The following DLG2 variants were observed in gnomAD, a reference collection of about 807,000 sequenced individuals.
The protein encoded by DLG2 is disks large homolog 2.
In DLG2, 45 loss-of-function variants were observed where a neutral mutation model predicts 132.5. The observed-to-expected ratio is 0.34, with a 90% CI of 0.27 to 0.44. The LOEUF (loss-of-function observed/expected upper bound fraction) is 0.44. DLG2 is among the 20% of genes least tolerant of loss of function. The probability of loss-of-function intolerance (pLI) is 1.00; values close to 1 mark genes in which losing one functional copy is unlikely to be tolerated. For missense variants in DLG2, 1,045 were observed against 1,196.9 expected, an observed-to-expected ratio of 0.87 and a Z score of 1.87; for synonymous variants, 424 against 419.6, an observed-to-expected ratio of 1.01 and a Z score of -0.13.
At chr11:85,154,705 ATT>A in intron 4 of DLG2, 54 bp from the exon 5 acceptor site, 1 of 863,112 alleles carries the variant, frequency 1.2e-6, no homozygotes, top group Non-Finnish European at 1.8e-6. Flanking sequence ...TGCAATGTAT[ATT>A]GTTTTCAAAC....
intron 3 of DLG2, among the ~76,000 whole-genome samples, chr11:85,438,859 C>T (rs2091629518): frequency 6.6e-6 from 1 of 152,156 alleles, no homozygotes; most frequent in Non-Finnish European, 1.5e-5. Context: ...TCTATCTCTA[C>T]CCTCTGATAA....
intron 11 of DLG2, among the ~76,000 whole-genome samples, chr11:84,038,526 G>A (rs1347337000): frequency 1.3e-5 from 2 of 151,964 alleles, no homozygotes; most frequent in Admixed American, 1.3e-4. Context: ...TAAAAATAAT[G>A]TAATATATGT....
rs765842498 is a variant in DLG2 at position 85,143,296 on chromosome 11, AATTT to A, written c.282+11256_282+11259del. ...TCTTGGTAGGTTGTATGTGTCTAGAAATTTATTTATTCTAGATTTTCCAATTCTT... is the reference window on the plus strand; with the variant it reads ...TCTTGGTAGGTTGTATGTGTCTAGAAATTTATTCTAGATTTTCCAATTCTT... On this transcript the variant is annotated intron_variant, in intron 5 of 27. Transcript: ENST00000376104. 6.6e-4 allele frequency among the ~76,000 whole-genome samples: 100 copies of A among 151,678 alleles called. 1 individual carries two copies. Among genetic ancestry groups the A allele is most frequent in the African/African-American group, 2.4e-3 (98 of 41,468 alleles).
intron 9 of DLG2, among the ~76,000 whole-genome samples, chr11:84,104,231 A>G (rs1178340325): frequency 6.6e-6 from 1 of 152,150 alleles, no homozygotes; most frequent in Admixed American, 6.6e-5. Context: ...ATACCATGGA[A>G]TACTACACAG....
chr11:84,917,695 T>C (rs912409246), intron 6 of DLG2, among the ~76,000 whole-genome samples: 1 of 152,184 alleles, frequency 6.6e-6, no homozygotes, highest in African/African-American at 2.4e-5. Context: ...TGCTGTTTTA[T>C]CCTTTACTTA....
intron 6 of DLG2, among the ~76,000 whole-genome samples, chr11:84,945,319 T>C (rs997064122): frequency 1.3e-5 from 2 of 152,206 alleles, no homozygotes; most frequent in Non-Finnish European, 2.9e-5. Context: ...CCTGTAGAGG[T>C]AACACCGTGG....
At chr11:84,809,217 C>T (rs552843530) in intron 6 of DLG2, among the ~76,000 whole-genome samples, 8 of 151,976 alleles carry the variant, frequency 5.3e-5, no homozygotes, top group Admixed American at 3.3e-4. Flanking sequence ...GCAGAAAATA[C>T]AGTTAATAAA....
intron 3 of DLG2, among the ~76,000 whole-genome samples, chr11:85,360,832 G>A (rs2084086813): frequency 6.6e-6 from 1 of 152,134 alleles, no homozygotes; most frequent in South Asian, 2.1e-4. Context: ...ATTGAACACA[G>A]AAGAAGTCTT....
intron 8 of DLG2, among the ~76,000 whole-genome samples, chr11:84,189,614 A>G (rs906950758): frequency 6.6e-6 from 1 of 152,230 alleles, no homozygotes; most frequent in Non-Finnish European, 1.5e-5. Flanking sequence ...AATGTGGCAC[A>G]TATACACCAT....
rs565361287 is a variant in DLG2 at position 84,331,088 on chromosome 11, A to G, written c.520-79797T>C. Among the ~76,000 whole-genome samples, 4 of 152,304 alleles carry G rather than the reference A, an allele frequency of 2.6e-5. 1 individual carries two copies. Among genetic ancestry groups the G allele is most frequent in the African/African-American group, 9.6e-5 (4 of 41,572 alleles). ...TTTTGCCTTAATTATATTTTCTCAT[A>G]CAAGTCCAGAAGCATCTGCAGTTTC... On this transcript the variant is annotated intron_variant, in intron 7 of 27. Coordinates refer to ENST00000376104, the MANE Select transcript of DLG2 (RefSeq NM_001142699.3).
intron 18 of DLG2, among the ~76,000 whole-genome samples, chr11:83,778,594 T>C (rs1169499586): frequency 2.0e-5 from 3 of 152,142 alleles, no homozygotes; most frequent in African/African-American, 7.2e-5. Context: ...TTTGTAAATA[T>C]TTTTAACCCC....
At chr11:84,740,344 C>T (rs2064432640) in intron 6 of DLG2, among the ~76,000 whole-genome samples, 1 of 152,104 alleles carries the variant, frequency 6.6e-6, no homozygotes, top group South Asian at 2.1e-4. Context: ...TCCCATCAGG[C>T]TCCATTGCCA....
intron 10 of DLG2, among the ~76,000 whole-genome samples, chr11:84,087,452 T>C (rs1288683779): frequency 6.6e-6 from 1 of 152,226 alleles, no homozygotes; most frequent in Non-Finnish European, 1.5e-5. Context: ...GCATATCTTA[T>C]TTGAATAAAT....
intron 4 of DLG2, among the ~76,000 whole-genome samples, chr11:85,230,953 T>TA (rs1480550715): frequency 2.6e-5 from 4 of 151,950 alleles, no homozygotes; most frequent in African/African-American, 9.7e-5. Context: ...AACAAGCCCT[T>TA]ACCAGATACC....
chr11:84,787,525 A>C (rs2073117699), intron 6 of DLG2, among the ~76,000 whole-genome samples: 1 of 152,158 alleles, frequency 6.6e-6, no homozygotes, highest in African/African-American at 2.4e-5. Flanking sequence ...GGAAGAAATA[A>C]ATGCTTATTC....
At position 85,041,771 on chromosome 11, in the gene DLG2, T is replaced by C. The variant is rs893123025; in HGVS notation, c.357+69890A>G. 1.8e-4 allele frequency among the ~76,000 whole-genome samples: 27 copies of C among 151,892 alleles called. 4 individuals are homozygous for C. Among genetic ancestry groups the C allele is most frequent in the African/African-American group, 6.3e-4 (26 of 41,476 alleles). On this transcript the variant is annotated intron_variant, in intron 6 of 27. Transcript: ENST00000376104. Reference sequence around the variant, plus strand: ...TAAACTGAGTACAAGGAGTTAGCGATAGGGAAGAGAAAGGAAGAACTCTCT... The same window carrying C: ...TAAACTGAGTACAAGGAGTTAGCGACAGGGAAGAGAAAGGAAGAACTCTCT...
In DLG2 at chr11:83,484,231, G is replaced by A; in HGVS notation, c.2194-3C>T. 6.2e-7 allele frequency: 1 copy of A among 1,610,770 alleles called. No homozygotes were observed. Among genetic ancestry groups the A allele is most frequent in the Non-Finnish European group, 8.5e-7 (1 of 1,177,798 alleles). On this transcript the variant is annotated splice_polypyrimidine_tract_variant and splice_region_variant and intron_variant, in intron 21 of 27. Coordinates refer to ENST00000376104, the MANE Select transcript of DLG2 (RefSeq NM_001142699.3). The stretch of plus-strand genomic sequence containing the variant: ...TTTTTACGCTTGTCATTGAATGACT[G>A]TGAAGGAGAAAAGGCATGGGGCAAA...
chr11:84,155,322 C>T (rs930250315), intron 9 of DLG2, among the ~76,000 whole-genome samples: 1 of 152,092 alleles, frequency 6.6e-6, no homozygotes, highest in Non-Finnish European at 1.5e-5. Flanking sequence ...TCCCAGTTTC[C>T]CCCCTCTTCT....
intron 6 of DLG2, among the ~76,000 whole-genome samples, chr11:85,011,520 A>T (rs1159583923): frequency 6.6e-6 from 1 of 152,226 alleles, no homozygotes; most frequent in African/African-American, 2.4e-5. Context: ...AAAGAGCAAA[A>T]GAGTAAGTAA....
Sources: gnomAD v4.1 joint callset for allele counts (sites outside exome capture counted in the v4.1 genomes callset) on GRCh38, gnomAD v4.1.1 for gene constraint, MANE v1.5 for transcripts, NCBI Gene and HGNC (gene_info 2026-07-23, HGNC 2026-07-21) for gene names.